Variants in PDZRN4 observed in about 807,000 individuals in gnomAD.
PDZRN4 encodes PDZ domain containing ring finger 4.
In PDZRN4, 70 loss-of-function variants were observed where a neutral mutation model predicts 99.0. The ratio of observed to expected loss-of-function variants is 0.71; its 90% confidence interval spans 0.58 to 0.86. The LOEUF (loss-of-function observed/expected upper bound fraction) is 0.86. PDZRN4 is among the 40% of genes least tolerant of loss of function. The pLI is 0.00. For synonymous variants in PDZRN4, 551 were observed against 501.6 expected (o/e 1.10, Z -1.32); for missense variants, 1,474 against 1,331.2 (o/e 1.11, Z -1.67).
At chr12:41,331,530 T>G (rs1951741077) in intron 3 of PDZRN4, among the ~76,000 whole-genome samples, 1 of 152,014 alleles carries the variant, frequency 6.6e-6, no homozygotes, top group African/African-American at 2.4e-5. Flanking sequence ...AAAAAGAAGC[T>G]CTGTGGGTAT....
chr12:41,466,214 G>A (rs970438923), intron 3 of PDZRN4, among the ~76,000 whole-genome samples: 1 of 151,978 alleles, frequency 6.6e-6, no homozygotes, highest in Non-Finnish European at 1.5e-5. Context: ...GGCTGGATGT[G>A]GGCCCGCCTA....
At chr12:41,339,824 G>C (rs754425706) in intron 3 of PDZRN4, among the ~76,000 whole-genome samples, 1 of 151,982 alleles carries the variant, frequency 6.6e-6, no homozygotes, top group Non-Finnish European at 1.5e-5. Flanking sequence ...ATGAAAAGAA[G>C]ATCAACATCA....
chr12:41,197,724 G>A (rs1006780277), intron 3 of PDZRN4, among the ~76,000 whole-genome samples: 47 of 152,008 alleles, frequency 3.1e-4, no homozygotes. Flanking sequence ...AGGAATCACA[G>A]AAAATCCCTG....
intron 9 of PDZRN4, among the ~76,000 whole-genome samples, chr12:41,571,366 TCTCTCTCTCTCA>T (rs780026972): frequency 1.1e-3 from 119 of 106,450 alleles, no homozygotes; most frequent in African/African-American, 3.8e-3. Flanking sequence ...TCTCTCTCTC[TCTCTCTCTCTCA>T]CACACACACA....
chr12:41,566,881 T>C (rs1419547247), intron 8 of PDZRN4, among the ~76,000 whole-genome samples: 1 of 152,194 alleles, frequency 6.6e-6, no homozygotes, highest in Non-Finnish European at 1.5e-5. Context: ...ACAGCTAATT[T>C]ATGTAATCCA....
At chr12:41,250,179 A>G (rs1951159213) in intron 3 of PDZRN4, among the ~76,000 whole-genome samples, 2 of 152,118 alleles carry the variant, frequency 1.3e-5, no homozygotes, top group Non-Finnish European at 2.9e-5. Flanking sequence ...TCAAAGTATT[A>G]TTTTTTTGTA....
At chr12:41,499,812 C>T (rs1185203744) in intron 3 of PDZRN4, among the ~76,000 whole-genome samples, 1 of 152,044 alleles carries the variant, frequency 6.6e-6, no homozygotes, top group Non-Finnish European at 1.5e-5. Flanking sequence ...TCAGAAGCAA[C>T]ATACTGGACT....
At chr12:41,284,462 C>T (rs533370875) in intron 3 of PDZRN4, among the ~76,000 whole-genome samples, 3 of 152,180 alleles carry the variant, frequency 2.0e-5, no homozygotes, top group South Asian at 4.1e-4. Flanking sequence ...ATGCTATTTC[C>T]AACAAGCTAT....
chr12:41,339,314 A>T (rs1389923120), intron 3 of PDZRN4, among the ~76,000 whole-genome samples: 1 of 152,084 alleles, frequency 6.6e-6, no homozygotes, highest in Non-Finnish European at 1.5e-5. Context: ...TGCCAAGAAC[A>T]CATGTTGGGG....
intron 3 of PDZRN4, among the ~76,000 whole-genome samples, chr12:41,273,665 G>A (rs943330851): frequency 1.3e-5 from 2 of 151,918 alleles, no homozygotes; most frequent in African/African-American, 2.4e-5. Context: ...TATTCAGTCA[G>A]AAATTAGCAA....
intron 5 of PDZRN4, among the ~76,000 whole-genome samples, chr12:41,514,215 G>A (rs1461054206): frequency 6.6e-6 from 1 of 152,026 alleles, no homozygotes; most frequent in Non-Finnish European, 1.5e-5. Context: ...ATAGGAGTGA[G>A]CACTTAGCAT....
chr12:41,269,275 C>T (rs536385092), intron 3 of PDZRN4, among the ~76,000 whole-genome samples: 52 of 152,306 alleles, frequency 3.4e-4, no homozygotes, highest in African/African-American at 1.1e-3. Context: ...ATTAATCATA[C>T]TATAAGCATT....
chr12:41,395,030 T>G lies in PDZRN4; in HGVS notation c.844-111426T>G, dbSNP rs531298475. On this transcript the variant is annotated intron_variant, in intron 3 of 9. Coordinates refer to ENST00000402685, the MANE Select transcript of PDZRN4 (RefSeq NM_001164595.2). ...ATTTTTTAAACCACTGCAGTTCACT[T>G]TCTTATCACAAATTATTTATATTGC... Among the ~76,000 whole-genome samples the G allele has an allele frequency of 3.3e-5, 5 of 152,270 alleles. No homozygotes were observed. The South Asian group carries it at 1.0e-3, about 32-fold the overall frequency.
chr12:41,280,328 C>T (rs1447886216), intron 3 of PDZRN4, among the ~76,000 whole-genome samples: 6 of 152,050 alleles, frequency 3.9e-5, no homozygotes, highest in South Asian at 2.1e-4. Flanking sequence ...AGTTTTTTTC[C>T]GTACCCCAGT....
chr12:41,463,957 G>T (rs1952898059), intron 3 of PDZRN4, among the ~76,000 whole-genome samples: 2 of 152,168 alleles, frequency 1.3e-5, no homozygotes, highest in South Asian at 4.1e-4. Flanking sequence ...CTGGGAGCCA[G>T]CTTACCCCCA....
chr12:41,239,685 T>C (rs1390308100), intron 3 of PDZRN4, among the ~76,000 whole-genome samples: 1 of 152,086 alleles, frequency 6.6e-6, no homozygotes, highest in Non-Finnish European at 1.5e-5. Flanking sequence ...TTTCAAGAAA[T>C]CGGATTTTAT....
In PDZRN4 at chr12:41,382,581, T is replaced by C. The variant is rs189385708; in HGVS notation, c.844-123875T>C. 5.3e-5 allele frequency among the ~76,000 whole-genome samples: 8 copies of C among 152,328 alleles called. No homozygotes were observed. The East Asian group carries it at 9.7e-4, about 18-fold the overall frequency. ...CTTATACAGAAGAGGGCCCTAGGAC[T>C]CTCAGGGAATAAGTTACTTGGCAAA... On this transcript the variant is annotated intron_variant, in intron 3 of 9. Coordinates refer to ENST00000402685, the MANE Select transcript of PDZRN4 (RefSeq NM_001164595.2).
chr12:41,334,809 T>C (rs1258440729), intron 3 of PDZRN4, among the ~76,000 whole-genome samples: 1 of 152,176 alleles, frequency 6.6e-6, no homozygotes, highest in Non-Finnish European at 1.5e-5. Flanking sequence ...AACCTTGTGT[T>C]CTAGATTGGT....
At chr12:41,242,230 T>A (rs1179162002) in intron 3 of PDZRN4, among the ~76,000 whole-genome samples, 2 of 152,178 alleles carry the variant, frequency 1.3e-5, no homozygotes, top group Non-Finnish European at 2.9e-5. Context: ...TAAACCCTAT[T>A]GAAAAGAAGA....
Sources: gnomAD v4.1 joint callset for allele counts (sites outside exome capture counted in the v4.1 genomes callset) on GRCh38, gnomAD v4.1.1 for gene constraint, MANE v1.5 for transcripts, NCBI Gene and HGNC (gene_info 2026-07-23, HGNC 2026-07-21) for gene names.